PADI2: variants seen among roughly 807,000 people sequenced by gnomAD.
PADI2 encodes the protein peptidyl arginine deiminase 2.
In PADI2, 70 loss-of-function variants were observed where a neutral mutation model predicts 81.1. The ratio of observed to expected loss-of-function variants is 0.86; its 90% CI spans 0.71 to 1.05. PADI2 has a LOEUF of 1.05. Ranked by LOEUF, PADI2 falls within the 50% of genes least tolerant of loss-of-function variation. The pLI, the probability that PADI2 is intolerant of heterozygous loss-of-function variation, is 0.00. For missense variants in PADI2, 853 were observed against 889.9 expected (o/e 0.96, Z 0.53); for synonymous variants, 338 against 358.0 (o/e 0.94, Z 0.63).
At chr1:17,086,819 C>T in intron 6 of PADI2, 120 bp from the exon 7 acceptor site, 1 of 796,728 alleles carries the variant, frequency 1.3e-6, no homozygotes, top group Non-Finnish European at 2.0e-6. Flanking sequence ...GAGAAAAGCA[C>T]AAGCAGAAAA....
chr1:17,097,233 C>T (rs1930969089), intron 3 of PADI2, among the ~76,000 whole-genome samples: 1 of 152,194 alleles, frequency 6.6e-6, no homozygotes, highest in South Asian at 2.1e-4. Flanking sequence ...GCAGGCACAC[C>T]CTCTGCCTGG....
chr1:17,072,827 A>G (rs945874146), intron 13 of PADI2, among the ~76,000 whole-genome samples: 2 of 152,216 alleles, frequency 1.3e-5, no homozygotes, highest in East Asian at 3.9e-4. Flanking sequence ...GTACAAAAAT[A>G]ATGGTCCCTA....
In PADI2 at chr1:17,104,903, G is replaced by T; in HGVS notation, c.251C>A (p.Ala84Glu). The T allele has an allele frequency of 1.3e-6, 2 of 1,588,458 alleles. No homozygotes were observed. Among genetic ancestry groups the T allele is most frequent in the Admixed American group, 1.7e-5 (1 of 59,314 alleles). Residue 84 changes from alanine to glutamate, a missense_variant, in exon 2 of 16, where the codon GCG becomes GAG. Ala to Glu is a moderately radical substitution (Grantham distance 107). Coordinates refer to ENST00000375486, the MANE Select transcript of PADI2 (RefSeq NM_007365.3). Reference protein sequence around the residue: ...STTLRVTMSQASTEASSDKVT... With the variant: ...STTLRVTMSQESTEASSDKVT... ...CTTGTCACTGCTGGCCTCGGTGCTC[G>T]CCTGGCTCATGGTGACCCGCAGGGT...
chr1:17,080,427 C>T (rs2078335484), intron 10 of PADI2, among the ~76,000 whole-genome samples: 1 of 152,220 alleles, frequency 6.6e-6, no homozygotes, highest in Non-Finnish European at 1.5e-5. Context: ...TGGGGCTGCT[C>T]TGGCACCTTG....
intron 4 of PADI2, 64 bp downstream of exon 4, chr1:17,095,845 G>A (rs1261248874): frequency 6.1e-6 from 8 of 1,304,322 alleles, no homozygotes; most frequent in Admixed American, 1.8e-5. Flanking sequence ...TTGCCTGCGG[G>A]ATCTGGGGCT....
intron 6 of PADI2, 51 bp from the exon 7 acceptor site, chr1:17,086,750 C>A: frequency 5.2e-6 from 8 of 1,540,870 alleles, no homozygotes; most frequent in Non-Finnish European, 7.1e-6. Flanking sequence ...AGAAAGAGGT[C>A]GGTGGGGTGG....
At chr1:17,118,497 A>G (rs1445207844) in intron 1 of PADI2, among the ~76,000 whole-genome samples, 3 of 152,050 alleles carry the variant, frequency 2.0e-5, no homozygotes, top group Non-Finnish European at 2.9e-5. Context: ...GGGGAGTGGT[A>G]GGGCCCTACC....
At chr1:17,095,254 T>C (rs1254365668) in intron 4 of PADI2, among the ~76,000 whole-genome samples, 1 of 152,072 alleles carries the variant, frequency 6.6e-6, no homozygotes, top group South Asian at 2.1e-4. Flanking sequence ...CAGAATGTGA[T>C]GGAGAACACC....
rs192141395 is a variant in PADI2 at position 17,085,013 on chromosome 1, C to T, written c.835-311G>A. ...GTGCTTGACCACATGGTAGGCTTTA[C>T]ACCCAGGCAGTCAGCTGCTGAGGTC... On this transcript the variant is annotated intron_variant, in intron 7 of 15. Transcript: ENST00000375486. Among the ~76,000 whole-genome samples the T allele has an allele frequency of 1.6e-3, 237 of 152,348 alleles. 3 individuals are homozygous for T. Among genetic ancestry groups the T allele is most frequent in the Admixed American group, 3.2e-3 (49 of 15,306 alleles).
Position 17,068,933 on chromosome 1 carries a change from C to T in PADI2, c.*111G>A. ...ATACCCCAAATTCCACCCCACGTCC[C>T]AAAGGTCTCCCAGCGGGGCTGTCCA... On this transcript the variant is annotated 3_prime_UTR_variant, in exon 16 of 16. Transcript: ENST00000375486. The T allele has an allele frequency of 1.2e-6, 1 of 850,904 alleles. No individual in the cohort carries two copies. Among genetic ancestry groups the T allele is most frequent in the African/African-American group, 1.7e-5 (1 of 59,970 alleles). 52.7% of individuals were successfully genotyped at this position (850,904 alleles called of 1,614,324 possible). A position where few individuals can be genotyped will look rare whatever the true frequency, so the allele number is the denominator to read the frequency against.
chr1:17,110,166 C>T lies in PADI2; in HGVS notation c.93-5105G>A, dbSNP rs114065513. On this transcript the variant is annotated intron_variant, in intron 1 of 15. Transcript: ENST00000375486. ...AGGAAGAACCCTTTAGAATCTCTCT[C>T]GCAGAAACCCGAGAGCCAGGGGCTT... is the stretch of plus-strand genomic sequence containing the variant. 9.7e-3 allele frequency among the ~76,000 whole-genome samples: 1,476 copies of T among 152,280 alleles called. 12 individuals are homozygous for T. The highest frequency in any genetic ancestry group is 0.037 in the Middle Eastern group (11 of 294).
At chr1:17,106,868 C>T (rs1029791434) in intron 1 of PADI2, among the ~76,000 whole-genome samples, 21 of 152,046 alleles carry the variant, frequency 1.4e-4, no homozygotes, top group African/African-American at 4.3e-4. Context: ...CTTGTGAGGA[C>T]GCAGTGACAA....
intron 2 of PADI2, among the ~76,000 whole-genome samples, chr1:17,104,305 CA>C (rs1439689038): frequency 6.7e-6 from 1 of 149,810 alleles, no homozygotes; most frequent in Non-Finnish European, 1.5e-5. Context: ...AACAAACAAA[CA>C]AAAAACAAAC....
At chr1:17,092,343 A>G (rs1016884025) in intron 6 of PADI2, 65 bp downstream of exon 6, 81 of 1,407,900 alleles carry the variant, frequency 5.8e-5, no homozygotes, top group Admixed American at 1.1e-4. Context: ...GAAGGCCACA[A>G]CTGCTAAGGG....
At chr1:17,069,631 GTA>G (rs2078250437) in intron 15 of PADI2, among the ~76,000 whole-genome samples, 1 of 150,146 alleles carries the variant, frequency 6.7e-6, no homozygotes. Flanking sequence ...GTGCATGTGT[GTA>G]TATATGTTCA....
At position 17,069,203 on chromosome 1, in the gene PADI2, G is replaced by A; in HGVS notation, c.1839C>T (p.Cys613=). The A allele has an allele frequency of 6.2e-7, 1 of 1,614,234 alleles. No homozygotes were observed. The highest frequency in any genetic ancestry group is 8.5e-7 in the Non-Finnish European group (1 of 1,180,028). Residue 613 remains cysteine, a synonymous_variant, in exon 16 of 16, where the codon TGC becomes TGT. Coordinates refer to ENST00000375486, the MANE Select transcript of PADI2 (RefSeq NM_007365.3). The part of the protein sequence containing the change: ...PFGPQVEEEC[C]LEMHVRGLLE... ...GGAGGCCACGCACGTGCATCTCCAG[G>A]CAGCATTCCTCCTCAACCTGTGGCC...
chr1:17,111,324 A>G lies in PADI2; in HGVS notation c.93-6263T>C, dbSNP rs751160546. ...TGTCCAGGCTGGTTTGGGACTCCTG[A>G]CTTCAAGTGATCTGCCCGCCTCAGC... On this transcript the variant is annotated intron_variant, in intron 1 of 15. Coordinates refer to ENST00000375486, the MANE Select transcript of PADI2 (RefSeq NM_007365.3). 5.8e-4 allele frequency among the ~76,000 whole-genome samples: 88 copies of G among 152,090 alleles called. 1 individual carries two copies. Among genetic ancestry groups the G allele is most frequent in the South Asian group, 6.2e-4 (3 of 4,810 alleles).
chr1:17,091,331 C>T (rs888531725), intron 6 of PADI2, among the ~76,000 whole-genome samples: 7 of 150,726 alleles, frequency 4.6e-5, no homozygotes, highest in South Asian at 2.1e-4. Flanking sequence ...CACCCCACGA[C>T]CCGCCTTGTA....
In PADI2 at chr1:17,093,594, G is replaced by A. The variant is rs368271502; in HGVS notation, c.502C>T (p.Arg168Cys). Reference sequence around the variant, plus strand: ...TCCTTGCTGTAGACCTTCTCATCACGGCAGTCCTCCTTGGGCAACCAGGGT... The same window carrying A: ...TCCTTGCTGTAGACCTTCTCATCACAGCAGTCCTCCTTGGGCAACCAGGGT... ...ETPWLPKEDC[R>C]DEKVYSKEDL... The change falls in exon 5 of 16, where the codon CGT becomes TGT. Residue 168 changes from arginine to cysteine, a missense_variant. Coordinates refer to ENST00000375486, the MANE Select transcript of PADI2 (RefSeq NM_007365.3). 20 of 1,613,040 alleles carry A rather than the reference G, an allele frequency of 1.2e-5. No homozygotes were observed. The highest frequency in any genetic ancestry group is 6.6e-5 in the South Asian group (6 of 91,026).
Sources: allele counts gnomAD v4.1 joint callset (sites outside exome capture counted in the v4.1 genomes callset), GRCh38; gene constraint gnomAD v4.1.1; transcripts MANE v1.5; gene names NCBI Gene and HGNC (gene_info 2026-07-23, HGNC 2026-07-21).